The following UST variants were observed in gnomAD, a reference collection of about 807,000 sequenced individuals.
UST encodes chondroitin sulfate 2-O-sulfotransferase.
UST carries 21 observed loss-of-function variants against 45.6 expected under a neutral mutation model. The observed-to-expected ratio is 0.46, with a 90% CI of 0.33 to 0.66. UST has a LOEUF of 0.66. UST is among the 30% of genes least tolerant of loss of function. UST has a pLI of 0.02. For missense variants in UST, 463 were observed against 512.4 expected, an observed-to-expected ratio of 0.90 and a Z score of 0.93; for synonymous variants, 215 against 200.6, an observed-to-expected ratio of 1.07 and a Z score of -0.61.
chr6:148,875,454 T>G (rs1430221024), intron 1 of UST, among the ~76,000 whole-genome samples: 2 of 152,228 alleles, frequency 1.3e-5, no homozygotes, highest in East Asian at 3.8e-4. Flanking sequence ...CAATAAACTA[T>G]TCCCTGACCT....
In UST at chr6:149,051,604, A is replaced by G. The variant is rs539631745; in HGVS notation, c.938-22229A>G. 4.6e-5 allele frequency among the ~76,000 whole-genome samples: 7 copies of G among 152,314 alleles called. No homozygotes were observed. The South Asian group carries it at 1.5e-3, about 32-fold the overall frequency. ...CCTGAATTGGTTTTGCCTAAACTACATAGCCCAGGAAATTGAGCAGAGGAT... is the reference window on the plus strand; with the variant it reads ...CCTGAATTGGTTTTGCCTAAACTACGTAGCCCAGGAAATTGAGCAGAGGAT... On this transcript the variant is annotated intron_variant, in intron 7 of 7. Transcript: ENST00000367463.
chr6:148,924,795 A>G (rs370369781), intron 2 of UST, among the ~76,000 whole-genome samples: 3 of 152,176 alleles, frequency 2.0e-5, no homozygotes, highest in South Asian at 4.1e-4. Flanking sequence ...TCCTGGAAAG[A>G]CACAGCTTTC....
chr6:148,750,316 A>G (rs1027634380), intron 1 of UST, among the ~76,000 whole-genome samples: 2 of 152,234 alleles, frequency 1.3e-5, no homozygotes, highest in African/African-American at 4.8e-5. Context: ...GTAGTGTGAT[A>G]TTTAACGTAC....
intron 1 of UST, among the ~76,000 whole-genome samples, chr6:148,808,158 G>T (rs1241610340): frequency 1.3e-5 from 2 of 152,234 alleles, no homozygotes; most frequent in South Asian, 4.1e-4. Flanking sequence ...AGAGACATTC[G>T]TGGTGGAATC....
intron 5 of UST, among the ~76,000 whole-genome samples, chr6:148,995,051 G>T (rs1009981584): frequency 6.6e-6 from 1 of 152,092 alleles, no homozygotes. Context: ...GTGAGACAGA[G>T]TCTCACTCTG....
intron 1 of UST, among the ~76,000 whole-genome samples, chr6:148,831,048 T>C (rs923724200): frequency 7.8e-6 from 1 of 128,394 alleles, no homozygotes; most frequent in African/African-American, 2.9e-5. Context: ...AAAAGAAAGA[T>C]GAAAGAAAAA....
At chr6:148,867,984 A>ATCTTCTTAATG (rs1325053031) in intron 1 of UST, among the ~76,000 whole-genome samples, 1 of 152,100 alleles carries the variant, frequency 6.6e-6, no homozygotes, top group Non-Finnish European at 1.5e-5. Flanking sequence ...CAACACAGTA[A>ATCTTCTTAATG]TCTTCTTAAT....
intron 1 of UST, among the ~76,000 whole-genome samples, chr6:148,810,395 T>C (rs530065403): frequency 2.0e-5 from 3 of 152,376 alleles, no homozygotes; most frequent in African/African-American, 7.2e-5. Flanking sequence ...TCTGAATTGA[T>C]GTAAATAGTA....
intron 2 of UST, among the ~76,000 whole-genome samples, chr6:148,887,636 G>C (rs1411146219): frequency 6.6e-6 from 1 of 152,170 alleles, no homozygotes; most frequent in Non-Finnish European, 1.5e-5. Context: ...GAGCAAACTA[G>C]AACAAATTGA....
intron 1 of UST, among the ~76,000 whole-genome samples, chr6:148,766,773 G>A (rs1257575438): frequency 6.6e-6 from 1 of 152,172 alleles, no homozygotes; most frequent in Non-Finnish European, 1.5e-5. Context: ...TTGGTCAAGG[G>A]TGTATGTGTT....
At chr6:148,815,010 A>T (rs531658088) in intron 1 of UST, among the ~76,000 whole-genome samples, 1 of 152,348 alleles carries the variant, frequency 6.6e-6, no homozygotes, top group Admixed American at 6.5e-5. Context: ...ATAATAAAAG[A>T]TTGAAAGCAA....
In UST at chr6:148,769,193, T is replaced by G. The variant is rs1046139192; in HGVS notation, c.247+21516T>G. Reference sequence around the variant, plus strand: ...AGCCTGGCTGTCTGTTTGGGGTATCTCAGGAACACAGACAGCACTCATTTG... The same window carrying G: ...AGCCTGGCTGTCTGTTTGGGGTATCGCAGGAACACAGACAGCACTCATTTG... On this transcript the variant is annotated intron_variant, in intron 1 of 7. Coordinates refer to ENST00000367463, the MANE Select transcript of UST (RefSeq NM_005715.3). 6.6e-5 allele frequency among the ~76,000 whole-genome samples: 10 copies of G among 152,240 alleles called. No homozygotes were observed. The South Asian group carries it at 8.3e-4, about 13-fold the overall frequency.
At chr6:149,012,804 T>TA (rs763495869) in intron 5 of UST, among the ~76,000 whole-genome samples, 1,871 of 104,106 alleles carry the variant, frequency 0.018, 19 homozygotes, top group Admixed American at 0.055. Flanking sequence ...AGTCACTATT[T>TA]AAAAAAAAAA....
chr6:148,928,755 G>A (rs1223972957), intron 2 of UST, among the ~76,000 whole-genome samples: 1 of 152,236 alleles, frequency 6.6e-6, no homozygotes, highest in African/African-American at 2.4e-5. Flanking sequence ...AGGCAGTTAA[G>A]ACATAATTTC....
intron 5 of UST, among the ~76,000 whole-genome samples, chr6:149,017,039 GT>G (rs1775908055): frequency 6.6e-6 from 1 of 152,228 alleles, no homozygotes; most frequent in Admixed American, 6.5e-5. Flanking sequence ...ACAAGCTTTG[GT>G]TTGTTTCACA....
intron 1 of UST, among the ~76,000 whole-genome samples, chr6:148,849,656 GA>G (rs752428361): frequency 7.2e-5 from 11 of 152,110 alleles, no homozygotes; most frequent in Non-Finnish European, 1.3e-4. Context: ...GCAGGAGAGA[GA>G]ATGAGTGCTG....
At chr6:148,990,841 A>G (rs932028596) in intron 5 of UST, among the ~76,000 whole-genome samples, 28 of 152,356 alleles carry the variant, frequency 1.8e-4, no homozygotes, top group Admixed American at 1.7e-3. Context: ...AGCAGGAACT[A>G]GAAGTGGAAA....
At chr6:148,906,740 A>G (rs1779370424) in intron 2 of UST, among the ~76,000 whole-genome samples, 1 of 152,182 alleles carries the variant, frequency 6.6e-6, no homozygotes, top group Admixed American at 6.5e-5. Context: ...CTGTTTCCTC[A>G]TGTACAAGGG....
chr6:148,846,433 T>A (rs1432129963), intron 1 of UST, among the ~76,000 whole-genome samples: 2 of 151,192 alleles, frequency 1.3e-5, no homozygotes, highest in African/African-American at 4.9e-5. Context: ...AACATCACAC[T>A]CTGGGGACTG....
Sources: gnomAD v4.1 joint callset for allele counts (sites outside exome capture counted in the v4.1 genomes callset) on GRCh38, gnomAD v4.1.1 for gene constraint, MANE v1.5 for transcripts, NCBI Gene and HGNC (gene_info 2026-07-23, HGNC 2026-07-21) for gene names.